Variants in LEKR1 observed in about 807,000 individuals in gnomAD.
LEKR1 encodes the protein leucine, glutamate and lysine rich 1, also known as protein LEKR1.
A neutral mutation model predicts 72.4 loss-of-function variants in LEKR1; 59 were observed. That is an observed-to-expected ratio of 0.82 (90% confidence interval 0.66 to 1.01). The LOEUF is 1.01. Among genes scored for constraint, LEKR1 ranks in the 50% least tolerant of loss-of-function variants. LEKR1 has a pLI of 0.00. For missense variants in LEKR1, 728 were observed against 759.2 expected (o/e 0.96, Z 0.48); for synonymous variants, 257 against 263.2 (o/e 0.98, Z 0.23).
chr3:156,901,141 A>G (rs1314995113), intron 3 of LEKR1, among the ~76,000 whole-genome samples: 2 of 152,100 alleles, frequency 1.3e-5, no homozygotes, highest in Non-Finnish European at 1.5e-5. Context: ...TGATTATTAC[A>G]TATTTTGAGA....
chr3:157,020,655 CATTTTCTTAAT>C (rs1733758692), intron 10 of LEKR1, among the ~76,000 whole-genome samples: 1 of 151,676 alleles, frequency 6.6e-6, no homozygotes, highest in Non-Finnish European at 1.5e-5. Context: ...ATATGTGCCA[CATTTTCTTAAT>C]CCAGTCTATC....
At chr3:156,912,913 C>T (rs1265410164) in intron 3 of LEKR1, among the ~76,000 whole-genome samples, 2 of 152,146 alleles carry the variant, frequency 1.3e-5, no homozygotes, top group African/African-American at 4.8e-5. Flanking sequence ...GGCAGACTCC[C>T]CTACCTCACA....
intron 3 of LEKR1, among the ~76,000 whole-genome samples, chr3:156,884,825 C>G (rs56413335): frequency 0.066 from 10,095 of 152,208 alleles, 405 homozygotes; most frequent in African/African-American, 0.11. Flanking sequence ...ATGTCTAGAT[C>G]TCTAGCAAGG....
chr3:156,963,170 C>T (rs1234590202), intron 6 of LEKR1, among the ~76,000 whole-genome samples: 1 of 152,146 alleles, frequency 6.6e-6, no homozygotes, highest in Non-Finnish European at 1.5e-5. Context: ...TTATTAGGCA[C>T]CTGTCATAAG....
chr3:156,830,057 G>A (rs2653817), intron 2 of LEKR1, among the ~76,000 whole-genome samples: 107,460 of 152,102 alleles, frequency 0.71, 40,374 homozygotes, highest in East Asian at 0.94. Context: ...AAGAAACTAC[G>A]TGGTGCTATT....
chr3:156,835,305 G>T (rs1560012102), intron 2 of LEKR1, among the ~76,000 whole-genome samples: 1 of 152,202 alleles, frequency 6.6e-6, no homozygotes, highest in Admixed American at 6.5e-5. Context: ...ACCAATGGGG[G>T]TTTTCTTAAA....
intron 12 of LEKR1, among the ~76,000 whole-genome samples, chr3:157,038,581 G>A (rs554650272): frequency 1.3e-5 from 2 of 152,276 alleles, no homozygotes; most frequent in African/African-American, 4.8e-5. Context: ...AGCCTGGGAA[G>A]AGGAGTAGAA....
Position 156,852,993 on chromosome 3 carries a change from T to C in LEKR1, c.263+11T>C. On this transcript the variant is annotated intron_variant, in intron 3 of 12. Transcript: ENST00000356539. ...ATCCAAAACAGAAAGGTTGAGTATG[T>C]TTTTCTTTTCTATCATTTATTTAGT... 22 of 1,506,736 alleles carry C rather than the reference T, an allele frequency of 1.5e-5. 1 individual carries two copies. The highest frequency in any genetic ancestry group is 2.0e-5 in the Non-Finnish European group (22 of 1,122,148). 93.3% of individuals were successfully genotyped at this position (1,506,736 alleles called of 1,614,324 possible). A position where few individuals can be genotyped will look rare whatever the true frequency, so the allele number is the denominator to read the frequency against.
intron 3 of LEKR1, among the ~76,000 whole-genome samples, chr3:156,902,084 A>G (rs1287249018): frequency 6.6e-6 from 1 of 152,182 alleles, no homozygotes; most frequent in Non-Finnish European, 1.5e-5. Flanking sequence ...TAAAACAACA[A>G]ATGTAATCTA....
intron 11 of LEKR1, among the ~76,000 whole-genome samples, chr3:157,027,232 T>C (rs1444489383): frequency 6.6e-6 from 1 of 152,024 alleles, no homozygotes; most frequent in Non-Finnish European, 1.5e-5. Flanking sequence ...ACCAGCACCG[T>C]CAGTAGTCAC....
intron 12 of LEKR1, among the ~76,000 whole-genome samples, chr3:157,044,452 T>G (rs545187859): frequency 6.6e-6 from 1 of 152,350 alleles, no homozygotes; most frequent in African/African-American, 2.4e-5. Flanking sequence ...TTATCTCTAG[T>G]CCAGTCACAC....
At chr3:157,018,371 C>T (rs949631808) in intron 10 of LEKR1, among the ~76,000 whole-genome samples, 2 of 152,138 alleles carry the variant, frequency 1.3e-5, no homozygotes, top group African/African-American at 4.8e-5. Context: ...CAGCAGAATA[C>T]ACATTCTTCT....
intron 12 of LEKR1, among the ~76,000 whole-genome samples, chr3:157,034,237 C>T (rs1016881065): frequency 1.3e-5 from 2 of 152,138 alleles, no homozygotes; most frequent in Admixed American, 6.5e-5. Context: ...AAATATATTT[C>T]ATAAGATGAT....
At chr3:156,957,174 G>A (rs561915670) in intron 6 of LEKR1, among the ~76,000 whole-genome samples, 32 of 152,040 alleles carry the variant, frequency 2.1e-4, no homozygotes, top group African/African-American at 7.7e-4. Flanking sequence ...ACTAATGATA[G>A]GAGTAATACA....
intron 9 of LEKR1, among the ~76,000 whole-genome samples, chr3:156,999,296 A>G (rs1239333729): frequency 2.0e-5 from 3 of 152,128 alleles, no homozygotes; most frequent in Non-Finnish European, 4.4e-5. Flanking sequence ...ACATTATTTC[A>G]AGAGGTTTGT....
intron 6 of LEKR1, among the ~76,000 whole-genome samples, chr3:156,948,122 T>C (rs1364477902): frequency 6.6e-6 from 1 of 151,202 alleles, no homozygotes; most frequent in Non-Finnish European, 1.5e-5. Flanking sequence ...ATATTGTCTT[T>C]TGAATATTGT....
At chr3:157,045,247 C>T in intron 12 of LEKR1, 93 bp from the exon 13 acceptor site, 1 of 1,036,592 alleles carries the variant, frequency 9.6e-7, no homozygotes, top group South Asian at 1.6e-5. Context: ...CTCTGATTTC[C>T]AGTTCTGTTC....
intron 2 of LEKR1, among the ~76,000 whole-genome samples, chr3:156,846,109 A>T (rs1714556838): frequency 6.6e-6 from 1 of 152,058 alleles, no homozygotes; most frequent in African/African-American, 2.4e-5. Flanking sequence ...TGTATTTTCA[A>T]TTTCAGTGTT....
chr3:157,001,347 G>A (rs1015612364), intron 9 of LEKR1, among the ~76,000 whole-genome samples: 20 of 152,150 alleles, frequency 1.3e-4, no homozygotes, highest in African/African-American at 4.3e-4. Flanking sequence ...TTTAACAGAG[G>A]CAGGAGTTGT....
Sources: allele counts gnomAD v4.1 joint callset (sites outside exome capture counted in the v4.1 genomes callset), GRCh38; gene constraint gnomAD v4.1.1; transcripts MANE v1.5; gene names NCBI Gene and HGNC (gene_info 2026-07-23, HGNC 2026-07-21).